DDX60: variants seen among roughly 807,000 people sequenced by gnomAD.
DDX60 encodes DExD/H-box helicase 60.
DDX60 carries 165 observed loss-of-function variants against 212.8 expected under a neutral mutation model. That is an observed-to-expected ratio of 0.78 (90% CI 0.68 to 0.88). The LOEUF (loss-of-function observed/expected upper bound fraction) is 0.88, where lower values mean the gene tolerates loss of function less well. Among genes scored for constraint, DDX60 ranks in the 40% least tolerant of loss-of-function variants. The pLI is 0.00. For missense variants in DDX60, 1,905 were observed against 2,003.9 expected, an observed-to-expected ratio of 0.95 and a Z score of 0.94; for synonymous variants, 703 against 685.3, an observed-to-expected ratio of 1.03 and a Z score of -0.40.
intron 30 of DDX60, among the ~76,000 whole-genome samples, chr4:168,241,083 A>G (rs1733820341): frequency 6.6e-6 from 1 of 152,206 alleles, no homozygotes; most frequent in African/African-American, 2.4e-5. Context: ...ATTCCCCTGC[A>G]CAAGCTTGTT....
intron 33 of DDX60, 28 bp from the exon 34 acceptor site, chr4:168,225,704 T>TA (rs775296616): frequency 1.3e-6 from 2 of 1,599,542 alleles, no homozygotes; most frequent in Non-Finnish European, 1.7e-6. Flanking sequence ...TTCATAGAGA[T>TA]AGATCTATTT....
chr4:168,261,313 G>A (rs999310813), intron 24 of DDX60, among the ~76,000 whole-genome samples: 2 of 152,078 alleles, frequency 1.3e-5, no homozygotes, highest in Non-Finnish European at 2.9e-5. Context: ...GTGTGAATCA[G>A]TTTCTACATT....
intron 28 of DDX60, among the ~76,000 whole-genome samples, chr4:168,250,592 C>T (rs1475311873): frequency 6.8e-6 from 1 of 146,916 alleles, no homozygotes; most frequent in East Asian, 2.0e-4. Context: ...ATGGCATGAT[C>T]TCGGCTCACT....
chr4:168,246,609 G>A lies in DDX60; in HGVS notation c.3973C>T (p.Arg1325Cys), dbSNP rs752198856. The A allele has an allele frequency of 1.9e-6, 3 of 1,613,832 alleles. No homozygotes were observed. The highest frequency in any genetic ancestry group is 1.7e-5 in the Admixed American group (1 of 59,976). Residue 1325 changes from arginine (R) to cysteine (C), a missense_variant, in exon 30 of 38, where the codon CGT (arginine) becomes TGT (cysteine). Transcript: ENST00000393743. ...DALNYRQMSGRAGRRGQDLMG... is the reference protein window; with the variant it reads ...DALNYRQMSGCAGRRGQDLMG... ...AGGTCTTGACCTCTTCTTCCAGCAC[G>A]GCCAGACATCTGAAAAGAGAATAGA...
intron 5 of DDX60, among the ~76,000 whole-genome samples, chr4:168,305,474 AG>A (rs1211750556): frequency 6.6e-6 from 1 of 152,072 alleles, no homozygotes; most frequent in South Asian, 2.1e-4. Flanking sequence ...AAAAATAAGC[AG>A]AAACTGGATG....
chr4:168,301,240 T>C (rs935120569), intron 6 of DDX60, among the ~76,000 whole-genome samples: 1 of 152,200 alleles, frequency 6.6e-6, no homozygotes, highest in African/African-American at 2.4e-5. Context: ...TAAACCATTA[T>C]GGATTTGGAT....
chr4:168,321,872 T>G (rs1737615927), upstream of DDX60, among the ~76,000 whole-genome samples: 1 of 152,164 alleles, frequency 6.6e-6, no homozygotes, highest in Non-Finnish European at 1.5e-5. Context: ...TCAATAGAAT[T>G]CAATTCTAAT....
intron 26 of DDX60, among the ~76,000 whole-genome samples, chr4:168,253,677 C>T (rs1201452178): frequency 2.0e-5 from 3 of 152,162 alleles, no homozygotes; most frequent in African/African-American, 7.2e-5. Context: ...TTTTCTTCAC[C>T]TTCCCTTTCT....
chr4:168,230,050 C>T (rs1041322356), intron 33 of DDX60, among the ~76,000 whole-genome samples: 4 of 151,802 alleles, frequency 2.6e-5, no homozygotes, highest in African/African-American at 9.7e-5. Context: ...AAATGGACAC[C>T]AAAAGCAAGC....
intron 12 of DDX60, 78 bp downstream of exon 12, chr4:168,284,742 T>C (rs948088424): frequency 7.3e-6 from 5 of 683,796 alleles, no homozygotes; most frequent in Admixed American, 3.0e-5. Flanking sequence ...TTGTGTCTTA[T>C]GATAATTTTC....
At chr4:168,249,875 A>C (rs1734152820) in intron 28 of DDX60, among the ~76,000 whole-genome samples, 11 of 152,226 alleles carry the variant, frequency 7.2e-5, no homozygotes, top group Admixed American at 7.2e-4. Context: ...CATTTAGTTT[A>C]AAAGATGCTA....
intron 19 of DDX60, among the ~76,000 whole-genome samples, chr4:168,269,432 A>C (rs537855507): frequency 6.6e-6 from 1 of 152,130 alleles, no homozygotes; most frequent in South Asian, 2.1e-4. Flanking sequence ...CCCCGTCTCC[A>C]CTAAGAAAAC....
upstream of DDX60, among the ~76,000 whole-genome samples, chr4:168,323,581 C>A (rs1265565889): frequency 6.6e-6 from 1 of 152,180 alleles, no homozygotes; most frequent in African/African-American, 2.4e-5. Context: ...AAGTGAAATG[C>A]ACCTTTCTCA....
chr4:168,288,542 C>T (rs1735961183), intron 8 of DDX60, among the ~76,000 whole-genome samples: 1 of 152,136 alleles, frequency 6.6e-6, no homozygotes, highest in South Asian at 2.1e-4. Context: ...TTCTTTATCC[C>T]GAATCAAGGA....
intron 3 of DDX60, 36 bp from the exon 4 acceptor site, chr4:168,308,231 T>C (rs1187415666): frequency 8.0e-7 from 1 of 1,245,426 alleles, no homozygotes; most frequent in East Asian, 2.5e-5. Flanking sequence ...AAATCACATA[T>C]GCATTAAATC....
chr4:168,271,730 T>C (rs1023876011), intron 19 of DDX60, among the ~76,000 whole-genome samples: 1 of 152,224 alleles, frequency 6.6e-6, no homozygotes. Context: ...AGGTCAAAGA[T>C]TGGATTGAAA....
At chr4:168,279,995 C>T (rs186831406) in intron 14 of DDX60, among the ~76,000 whole-genome samples, 9 of 152,172 alleles carry the variant, frequency 5.9e-5, no homozygotes, top group Middle Eastern at 3.4e-3. Flanking sequence ...GGCTCACGTC[C>T]GTAATCCCAG....
At chr4:168,281,476 T>G (rs1735590312) in intron 13 of DDX60, among the ~76,000 whole-genome samples, 1 of 152,224 alleles carries the variant, frequency 6.6e-6, no homozygotes, top group African/African-American at 2.4e-5. Context: ...GTTGTCTGTA[T>G]GTCTCAAGCA....
At chr4:168,291,973 G>A (rs942150115) in intron 7 of DDX60, 67 bp from the exon 8 acceptor site, 11 of 1,198,288 alleles carry the variant, frequency 9.2e-6, no homozygotes, top group African/African-American at 4.7e-5. Flanking sequence ...TAAGCATCTA[G>A]GACCACAAAA....
Sources: allele counts gnomAD v4.1 joint callset (sites outside exome capture counted in the v4.1 genomes callset), GRCh38; gene constraint gnomAD v4.1.1; transcripts MANE v1.5; gene names NCBI Gene and HGNC (gene_info 2026-07-23, HGNC 2026-07-21).